OR6N1: variants seen among roughly 807,000 people sequenced by gnomAD.
OR6N1 encodes olfactory receptor family 6 subfamily N member 1.
For missense variants in OR6N1, 394 were observed against 371.7 expected (o/e 1.06, Z -0.49); for synonymous variants, 170 against 150.7 (o/e 1.13, Z -0.94).
At chr1:158,798,809 C>T in the OR6N1 span, among the ~76,000 whole-genome samples, 12 of 152,064 alleles carry the variant, frequency 7.9e-5, no homozygotes, top group African/African-American at 2.4e-4. Flanking sequence ...TGATAGTGGG[C>T]GTGTTAATTT....
At chr1:158,767,332 T>G (rs1657300878) in intron 1 of OR6N1, among the ~76,000 whole-genome samples, 1 of 152,028 alleles carries the variant, frequency 6.6e-6, no homozygotes, top group Non-Finnish European at 1.5e-5. Flanking sequence ...TTAGAGTAAA[T>G]AAAAAAGCCA....
chr1:158,826,694 A>G, the OR6N1 span, among the ~76,000 whole-genome samples: 28 of 152,246 alleles, frequency 1.8e-4, no homozygotes, highest in Non-Finnish European at 3.4e-4. Flanking sequence ...CCAAAGGAAG[A>G]GTGAGCTTTA....
At chr1:158,790,626 G>A in the OR6N1 span, among the ~76,000 whole-genome samples, 30 of 152,028 alleles carry the variant, frequency 2.0e-4, no homozygotes, top group Admixed American at 2.6e-4. Context: ...GGATGGTCTC[G>A]ATCTCCTGAC....
At chr1:158,791,630 C>G in the OR6N1 span, among the ~76,000 whole-genome samples, 1 of 151,982 alleles carries the variant, frequency 6.6e-6, no homozygotes, top group East Asian at 1.9e-4. Context: ...CTACCACATC[C>G]AGCTAATTTT....
the OR6N1 span, among the ~76,000 whole-genome samples, chr1:158,791,226 T>C: frequency 6.6e-6 from 1 of 152,216 alleles, no homozygotes; most frequent in Admixed American, 6.5e-5. Context: ...TTTTTTGATA[T>C]AGACCTTTAA....
chr1:158,789,011 C>T, the OR6N1 span, among the ~76,000 whole-genome samples: 1 of 152,144 alleles, frequency 6.6e-6, no homozygotes, highest in Non-Finnish European at 1.5e-5. Context: ...TTCCTTCACC[C>T]TCTACCTTTC....
At chr1:158,780,570 A>G in the OR6N1 span, among the ~76,000 whole-genome samples, 1 of 152,352 alleles carries the variant, frequency 6.6e-6, no homozygotes, top group East Asian at 1.9e-4. Flanking sequence ...ATGTTAGCCT[A>G]GCCTCCCTTA....
chr1:158,779,182 T>C, the OR6N1 span, among the ~76,000 whole-genome samples: 1 of 152,188 alleles, frequency 6.6e-6, no homozygotes, highest in Non-Finnish European at 1.5e-5. Flanking sequence ...TAATTATTCT[T>C]AAGCAAAATG....
chr1:158,776,352 G>T, upstream of OR6N1: 1 of 187,600 alleles, frequency 5.3e-6, no homozygotes, highest in Non-Finnish European at 1.1e-5. Context: ...ATGAAGTAAA[G>T]AAGAGGAAAT....
the OR6N1 span, among the ~76,000 whole-genome samples, chr1:158,835,997 G>T: frequency 6.6e-6 from 1 of 151,806 alleles, no homozygotes; most frequent in Non-Finnish European, 1.5e-5. Flanking sequence ...AGGAATAAGA[G>T]AAATATTTTC....
chr1:158,798,926 TC>T, the OR6N1 span, among the ~76,000 whole-genome samples: 1 of 152,086 alleles, frequency 6.6e-6, no homozygotes, highest in Non-Finnish European at 1.5e-5. Context: ...GCAGGCTGGC[TC>T]CCTGGGAGAA....
intron 1 of OR6N1, among the ~76,000 whole-genome samples, chr1:158,771,175 G>A (rs376467005): frequency 2.6e-5 from 4 of 152,220 alleles, no homozygotes; most frequent in African/African-American, 7.2e-5. Flanking sequence ...GACCATCTAA[G>A]TTAAATACTG....
At chr1:158,838,032 C>T in the OR6N1 span, among the ~76,000 whole-genome samples, 1 of 151,706 alleles carries the variant, frequency 6.6e-6, no homozygotes, top group South Asian at 2.1e-4. Context: ...TTACAAATTG[C>T]ATTTATATAA....
At chr1:158,812,161 G>A in the OR6N1 span, among the ~76,000 whole-genome samples, 1 of 152,162 alleles carries the variant, frequency 6.6e-6, no homozygotes, top group South Asian at 2.1e-4. Context: ...CTTCCCCTGT[G>A]CTTTGTAGTG....
chr1:158,823,136 T>C, the OR6N1 span, among the ~76,000 whole-genome samples: 1 of 152,202 alleles, frequency 6.6e-6, no homozygotes, highest in African/African-American at 2.4e-5. Context: ...GATTTTTGCA[T>C]CTATGTTCAT....
chr1:158,779,772 T>G, the OR6N1 span, among the ~76,000 whole-genome samples: 4 of 152,330 alleles, frequency 2.6e-5, no homozygotes, highest in South Asian at 6.2e-4. Context: ...CAAAATGAGA[T>G]CAAATCTTAA....
the OR6N1 span, among the ~76,000 whole-genome samples, chr1:158,814,705 A>G: frequency 1.3e-5 from 2 of 152,144 alleles, no homozygotes; most frequent in African/African-American, 2.4e-5. Context: ...TGACCTAATC[A>G]ACTTCCAAAG....
the OR6N1 span, among the ~76,000 whole-genome samples, chr1:158,806,459 G>A: frequency 2.0e-5 from 3 of 152,120 alleles, no homozygotes; most frequent in African/African-American, 4.8e-5. Flanking sequence ...CATGCTTAAC[G>A]TTCTTTTATT....
chr1:158,790,377 A>T, the OR6N1 span, among the ~76,000 whole-genome samples: 1 of 148,826 alleles, frequency 6.7e-6, no homozygotes, highest in African/African-American at 2.5e-5. Flanking sequence ...TGTGAAGAAT[A>T]TCAATTGGTA....
Sources: gnomAD v4.1 joint callset for allele counts (sites outside exome capture counted in the v4.1 genomes callset) on GRCh38, gnomAD v4.1.1 for gene constraint, MANE v1.5 for transcripts, NCBI Gene and HGNC (gene_info 2026-07-23, HGNC 2026-07-21) for gene names.